The following LARGE1 variants were observed in gnomAD, a reference collection of about 807,000 sequenced individuals.
LARGE1 encodes the protein xylosyl- and glucuronyltransferase LARGE1.
In LARGE1, 43 loss-of-function variants were observed where a neutral mutation model predicts 87.6. That is an observed-to-expected ratio of 0.49 (90% CI 0.38 to 0.63). The LOEUF (loss-of-function observed/expected upper bound fraction) is 0.63, where lower values mean the gene tolerates loss of function less well. Among genes scored for constraint, LARGE1 ranks in the 30% least tolerant of loss-of-function variants. LARGE1 has a pLI of 0.00. For missense variants in LARGE1, 802 were observed against 1,000.2 expected, an observed-to-expected ratio of 0.80 and a Z score of 2.67; for synonymous variants, 434 against 394.6, an observed-to-expected ratio of 1.10 and a Z score of -1.18.
At chr22:33,797,868 C>T (rs905167919) in intron 1 of LARGE1, among the ~76,000 whole-genome samples, 2 of 152,214 alleles carry the variant, frequency 1.3e-5, no homozygotes, top group Admixed American at 6.5e-5. Flanking sequence ...CATCCCTCCT[C>T]GCCTCACTCC....
chr22:33,687,493 G>A (rs750653559), intron 2 of LARGE1, among the ~76,000 whole-genome samples: 3 of 151,786 alleles, frequency 2.0e-5, no homozygotes, highest in Non-Finnish European at 4.4e-5. Flanking sequence ...CATCTGCCTT[G>A]GACATTAACA....
At chr22:33,684,963 T>C (rs1197894294) in intron 2 of LARGE1, among the ~76,000 whole-genome samples, 1 of 152,172 alleles carries the variant, frequency 6.6e-6, no homozygotes, top group Admixed American at 6.5e-5. Context: ...ATTCTGAGGA[T>C]TTTCAGGTGT....
At chr22:33,761,102 T>C (rs1197258178) in intron 2 of LARGE1, among the ~76,000 whole-genome samples, 8 of 152,038 alleles carry the variant, frequency 5.3e-5, no homozygotes, top group Non-Finnish European at 1.2e-4. Flanking sequence ...TTTTCTCCCA[T>C]TATCGACAAA....
At chr22:33,520,522 G>C (rs1340749961) in intron 6 of LARGE1, among the ~76,000 whole-genome samples, 6 of 152,310 alleles carry the variant, frequency 3.9e-5, no homozygotes, top group Non-Finnish European at 8.8e-5. Context: ...CAGCAGTGCT[G>C]AGCTGGGCCA....
At chr22:33,586,015 T>A (rs2078662532) in intron 5 of LARGE1, among the ~76,000 whole-genome samples, 1 of 152,146 alleles carries the variant, frequency 6.6e-6, no homozygotes, top group South Asian at 2.1e-4. Flanking sequence ...CTCTTTTTCA[T>A]CTGTTACTTC....
rs1357938260 is a variant in LARGE1, at chr22:33,572,362, AT to A, written c.616-7344del. 48 of 314,682 alleles carry A rather than the reference AT, an allele frequency of 1.5e-4. No individual in the cohort carries two copies. In the Admixed American group the frequency reaches 2.1e-3, roughly 14 times the overall value. 19.5% of individuals were successfully genotyped at this position (314,682 alleles called of 1,614,324 possible). Reference sequence around the variant, plus strand: ...GATGCTGGGACAGAGACACTGGCAGATGCCTTGGAAGAAGATCGTGAAATGA... The same window carrying A: ...GATGCTGGGACAGAGACACTGGCAGAGCCTTGGAAGAAGATCGTGAAATGA... On this transcript the variant is annotated intron_variant, in intron 5 of 14. Transcript: ENST00000397394.
At chr22:33,808,146 C>T (rs1247113956) in intron 1 of LARGE1, among the ~76,000 whole-genome samples, 1 of 152,236 alleles carries the variant, frequency 6.6e-6, no homozygotes, top group Admixed American at 6.5e-5. Flanking sequence ...CCTGTTGCTC[C>T]ACATCCTCAT....
chr22:33,707,727 G>C (rs1208718153), intron 2 of LARGE1, among the ~76,000 whole-genome samples: 1 of 152,222 alleles, frequency 6.6e-6, no homozygotes, highest in Non-Finnish European at 1.5e-5. Context: ...AGGATTTTGT[G>C]TCTCTTTTTA....
chr22:33,282,010 T>C (rs1272975037), intron 13 of LARGE1, among the ~76,000 whole-genome samples: 1 of 152,226 alleles, frequency 6.6e-6, no homozygotes, highest in African/African-American at 2.4e-5. Context: ...CCAGGAAGTG[T>C]TGGCCATTCT....
At chr22:33,464,280 T>C (rs755208848) in intron 6 of LARGE1, among the ~76,000 whole-genome samples, 3 of 152,142 alleles carry the variant, frequency 2.0e-5, no homozygotes, top group Admixed American at 6.5e-5. Flanking sequence ...TTTCAAAAAC[T>C]TAGAATACAA....
chr22:33,528,130 C>CGGGG (rs367671001), intron 6 of LARGE1, among the ~76,000 whole-genome samples: 1 of 13,748 alleles, frequency 7.3e-5, no homozygotes. Context: ...TGGCAGAGGT[C>CGGGG]GGGGGGGGCG....
At chr22:33,089,374 T>TCTTCTTCTTCTC in the LARGE1 span, among the ~76,000 whole-genome samples, 1 of 131,362 alleles carries the variant, frequency 7.6e-6, no homozygotes, top group Admixed American at 7.6e-5. Context: ...TTCTTCTCCT[T>TCTTCTTCTTCTC]CTTCTTCTTC....
intron 8 of LARGE1, among the ~76,000 whole-genome samples, chr22:33,383,245 G>A (rs1415409669): frequency 6.6e-6 from 1 of 152,112 alleles, no homozygotes; most frequent in Non-Finnish European, 1.5e-5. Context: ...ACGTCAAAAT[G>A]AGGAATAGGT....
chr22:33,848,142 G>A (rs1346127502), intron 1 of LARGE1, among the ~76,000 whole-genome samples: 2 of 152,240 alleles, frequency 1.3e-5, no homozygotes, highest in Non-Finnish European at 2.9e-5. Flanking sequence ...AAATCAGGCA[G>A]CGTATTTTTT....
chr22:33,527,378 C>A (rs746964496), intron 6 of LARGE1, among the ~76,000 whole-genome samples: 55 of 152,290 alleles, frequency 3.6e-4, no homozygotes, highest in African/African-American at 1.3e-3. Context: ...ACAAAGATAA[C>A]GGCATTACCA....
At chr22:33,791,916 G>A (rs577131914) in intron 1 of LARGE1, among the ~76,000 whole-genome samples, 1 of 152,324 alleles carries the variant, frequency 6.6e-6, no homozygotes, top group African/African-American at 2.4e-5. Context: ...CATACTGCAT[G>A]CTAAGACAGG....
the LARGE1 span, among the ~76,000 whole-genome samples, chr22:33,120,358 TTTTCTTTCTTTC>T: frequency 3.6e-3 from 433 of 118,768 alleles, 2 homozygotes; most frequent in East Asian, 0.017. Flanking sequence ...TTTTCTTTCT[TTTTCTTTCTTTC>T]TTTCTTTCTT....
chr22:33,649,143 C>G (rs2080713933), intron 3 of LARGE1, among the ~76,000 whole-genome samples: 1 of 152,210 alleles, frequency 6.6e-6, no homozygotes, highest in Non-Finnish European at 1.5e-5. Flanking sequence ...CACCAATCCA[C>G]TTTTCAACCA....
In LARGE1 at chr22:33,860,281, G is replaced by A. The variant is rs146230444; in HGVS notation, c.-83+59714C>T. Among the ~76,000 whole-genome samples the A allele has an allele frequency of 7.9e-3, 1,202 of 152,208 alleles. 8 individuals carry two copies. Among genetic ancestry groups the A allele is most frequent in the Middle Eastern group, 0.017 (5 of 294 alleles). ...TGTTAGGATTACAGGCGTGAGCCACGATGCCTGGCCTTTTTTGAATTTTTT... is the reference window on the plus strand; with the variant it reads ...TGTTAGGATTACAGGCGTGAGCCACAATGCCTGGCCTTTTTTGAATTTTTT... On this transcript the variant is annotated intron_variant, in intron 1 of 14. Coordinates refer to ENST00000397394, the MANE Select transcript of LARGE1 (RefSeq NM_133642.5).
Sources: allele counts gnomAD v4.1 joint callset (sites outside exome capture counted in the v4.1 genomes callset), GRCh38; gene constraint gnomAD v4.1.1; transcripts MANE v1.5; gene names NCBI Gene and HGNC (gene_info 2026-07-23, HGNC 2026-07-21).